Variants in TARBP2 observed in about 807,000 individuals in gnomAD.
TARBP2 encodes RISC-loading complex subunit TARBP2.
In TARBP2, 23 loss-of-function variants were observed where a neutral mutation model predicts 40.4. That is an observed-to-expected ratio of 0.57 (90% CI 0.41 to 0.81). The LOEUF is 0.81. Ranked by LOEUF, TARBP2 falls within the 30% of genes least tolerant of loss-of-function variation. The pLI is 0.00. For synonymous variants in TARBP2, 183 were observed against 190.5 expected (o/e 0.96, Z 0.32); for missense variants, 358 against 473.7 (o/e 0.76, Z 2.27).
rs773262564 is a variant in TARBP2 at position 53,501,465 on chromosome 12, A to G, written c.53+4A>G. The G allele has an allele frequency of 1.3e-5, 21 of 1,565,530 alleles. No individual in the cohort carries two copies. The South Asian group carries it at 2.5e-4, about 18-fold the overall frequency. On this transcript the variant is annotated splice_donor_region_variant and intron_variant, in intron 1 of 8. Transcript: ENST00000266987. ...CCACGGGCTGCGGGCTGCCTAGGTGAGCCGTCTCGTACCGATTCCTTCAGG... is the reference window on the plus strand; with the variant it reads ...CCACGGGCTGCGGGCTGCCTAGGTGGGCCGTCTCGTACCGATTCCTTCAGG...
chr12:53,505,536 G>A lies in TARBP2; in HGVS notation c.742-113G>A. ...GCCACCCAGGGATTGACTGGGGGGA[G>A]GCAAGCTGGAGGAAGCATTCTTTGT... On this transcript the variant is annotated intron_variant, in intron 7 of 8. Coordinates refer to ENST00000266987, the MANE Select transcript of TARBP2 (RefSeq NM_134323.2). The surrounding 1 kb of genome is among the most constrained non-coding windows in gnomAD (Gnocchi z 4.5). The A allele has an allele frequency of 1.6e-6, 2 of 1,226,278 alleles. No homozygotes were observed. The highest frequency in any genetic ancestry group is 2.3e-5 in the East Asian group (1 of 42,788). The allele number at this position is 1,226,278 out of a possible 1,614,324, so 76.0% of individuals were successfully genotyped here. A position where few individuals can be genotyped will look rare whatever the true frequency, so the allele number is the denominator to read the frequency against.
chr12:53,501,086 C>T, upstream of TARBP2: 5 of 391,796 alleles, frequency 1.3e-5, no homozygotes, highest in South Asian at 5.6e-5. Context: ...AGAGAGGGGG[C>T]GCGGAAGGAA....
At chr12:53,502,818 C>T (rs973703925) in intron 2 of TARBP2, 12 of 456,874 alleles carry the variant, frequency 2.6e-5, no homozygotes, top group Non-Finnish European at 4.2e-5. Context: ...AGAAGTCCTG[C>T]TTGGCATGGC....
chr12:53,504,905 C>A (rs936223083), intron 6 of TARBP2, 90 bp downstream of exon 6: 3 of 1,509,256 alleles, frequency 2.0e-6, no homozygotes, highest in East Asian at 2.3e-5. Flanking sequence ...CTCTGCTACA[C>A]CCCCTGCTCT....
chr12:53,503,368 G>T, intron 3 of TARBP2: 1 of 852,966 alleles, frequency 1.2e-6, no homozygotes. Context: ...GCCTGGGTTA[G>T]GGAGGGAGAG....
chr12:53,503,184 C>T, intron 3 of TARBP2, 55 bp downstream of exon 3: 1 of 1,496,332 alleles, frequency 6.7e-7, no homozygotes, highest in Non-Finnish European at 9.0e-7. Context: ...AGGCCCTGCA[C>T]CACCCACTCT....
At chr12:53,504,597 C>G (rs1482816089) in intron 5 of TARBP2, 101 bp from the exon 6 acceptor site, 1 of 1,609,066 alleles carries the variant, frequency 6.2e-7, no homozygotes, top group African/African-American at 1.3e-5. Context: ...CCCCTCTCTC[C>G]TTCCTCTCAC....
At chr12:53,503,451 AC>A (rs1943812687) in intron 3 of TARBP2, 1 of 578,968 alleles carries the variant, frequency 1.7e-6, no homozygotes, top group African/African-American at 1.9e-5. Flanking sequence ...TCCTTCCTTC[AC>A]GCGCAGGTTG....
Position 53,505,633 on chromosome 12 carries a change from G to C in TARBP2, c.742-16G>C, listed in dbSNP as rs780291453. 5 of 1,612,332 alleles carry C rather than the reference G, an allele frequency of 3.1e-6. No individual in the cohort carries two copies. The East Asian group carries it at 1.1e-4, about 36-fold the overall frequency. Reference sequence around the variant, plus strand: ...AGTCTCTCGCTTCATCTTTCTCACTGTTCCCATCTTGACAGGGTGTGGGCT... The same window carrying C: ...AGTCTCTCGCTTCATCTTTCTCACTCTTCCCATCTTGACAGGGTGTGGGCT... On this transcript the variant is annotated splice_polypyrimidine_tract_variant and intron_variant, in intron 7 of 8. Coordinates refer to ENST00000266987, the MANE Select transcript of TARBP2 (RefSeq NM_134323.2). The surrounding 1 kb of genome is among the most constrained non-coding windows in gnomAD (Gnocchi z 4.5).
rs750036818 is a variant in TARBP2, at chr12:53,505,615, C to G, written c.742-34C>G. Reference sequence around the variant, plus strand: ...TCAATGCCTGGGTCCCACAGTCTCTCGCTTCATCTTTCTCACTGTTCCCAT... The same window carrying G: ...TCAATGCCTGGGTCCCACAGTCTCTGGCTTCATCTTTCTCACTGTTCCCAT... On this transcript the variant is annotated intron_variant, in intron 7 of 8. Coordinates refer to ENST00000266987, the MANE Select transcript of TARBP2 (RefSeq NM_134323.2). This position sits in a 1 kb window ranked among gnomAD's most constrained non-coding sequence, Gnocchi z 4.5. 1.3e-6 allele frequency: 2 copies of G among 1,592,714 alleles called. No homozygotes were observed. Among genetic ancestry groups the G allele is most frequent in the Non-Finnish European group, 1.7e-6 (2 of 1,160,964 alleles).
rs1359174950 is a variant in TARBP2 at position 53,501,498 on chromosome 12, G to A, written c.53+37G>A. The A allele has an allele frequency of 4.5e-6, 7 of 1,554,076 alleles. No homozygotes were observed. The Admixed American group carries it at 7.8e-5, about 17-fold the overall frequency. Reference sequence around the variant, plus strand: ...CGTACCGATTCCTTCAGGGCGAAAAGCGTGGGGCCGTGCGGAGGGAGTAGC... The same window carrying A: ...CGTACCGATTCCTTCAGGGCGAAAAACGTGGGGCCGTGCGGAGGGAGTAGC... On this transcript the variant is annotated intron_variant, in intron 1 of 8. Transcript: ENST00000266987.
chr12:53,504,508 C>T, intron 5 of TARBP2, 39 bp downstream of exon 5: 1 of 1,606,876 alleles, frequency 6.2e-7, no homozygotes, highest in Non-Finnish European at 8.5e-7. Flanking sequence ...GCCTGTCTTC[C>T]CTTGAGCCAG....
At chr12:53,502,390 C>T in intron 2 of TARBP2, 2 of 621,314 alleles carry the variant, frequency 3.2e-6, no homozygotes, top group East Asian at 5.7e-5. Context: ...GCGAGCAGGA[C>T]TCCCACAGTG....
chr12:53,501,297 C>A lies in TARBP2; in HGVS notation c.-112C>A. ...CTCCATATCCCAGCGTGCCCCGCGG[C>A]GGGCCCTACCGGCCGCGACTCCGGG... is the stretch of plus-strand genomic sequence containing the variant. On this transcript the variant is annotated 5_prime_UTR_variant, in exon 1 of 9. Transcript: ENST00000266987. 8.3e-7 allele frequency: 1 copy of A among 1,199,632 alleles called. No homozygotes were observed. Among genetic ancestry groups the A allele is most frequent in the Non-Finnish European group, 1.2e-6 (1 of 848,566 alleles). The allele number at this position is 1,199,632 out of a possible 1,614,324, so 74.3% of individuals were successfully genotyped here.
At position 53,506,333 on chromosome 12, in the gene TARBP2, AGGATCC is replaced by A; in HGVS notation, c.*187_*192del. 1 of 686,170 alleles carries A rather than the reference AGGATCC, an allele frequency of 1.5e-6. No individual in the cohort carries two copies. The highest frequency in any genetic ancestry group is 2.4e-6 in the Non-Finnish European group (1 of 419,378). The allele number at this position is 686,170 out of a possible 1,614,324, so 42.5% of individuals were successfully genotyped here. On this transcript the variant is annotated 3_prime_UTR_variant, in exon 9 of 9. Transcript: ENST00000266987. Reference sequence around the variant, plus strand: ...AGGACCACAGAGCCTCAGCCAGCCCAGGATCCGTCCTCATTTTATTGGTGATGATGA... The same window carrying A: ...AGGACCACAGAGCCTCAGCCAGCCCAGTCCTCATTTTATTGGTGATGATGA...
At position 53,501,331 on chromosome 12, in the gene TARBP2, C is replaced by A; in HGVS notation, c.-78C>A. 1 of 1,514,518 alleles carries A rather than the reference C, an allele frequency of 6.6e-7. No individual in the cohort carries two copies. The highest frequency in any genetic ancestry group is 2.0e-5 in the Admixed American group (1 of 49,490). The allele number at this position is 1,514,518 out of a possible 1,614,324, so 93.8% of individuals were successfully genotyped here. ...CCGGCCGCGACTCCGGGCTTGGCCC[C>A]GGCCCTAGCTCGTCGGCTGTGTATT... On this transcript the variant is annotated 5_prime_UTR_variant, in exon 1 of 9. Transcript: ENST00000266987.
At position 53,503,819 on chromosome 12, in the gene TARBP2, C is replaced by A. The variant is rs764128558; in HGVS notation, c.422+11C>A. 1 of 1,609,596 alleles carries A rather than the reference C, an allele frequency of 6.2e-7. No individual in the cohort carries two copies. Among genetic ancestry groups the A allele is most frequent in the Non-Finnish European group, 8.5e-7 (1 of 1,175,880 alleles). ...TGTAGTCCTAACCAGGTATCTGTGT[C>A]CCCTGACTGCCTGAGGTGGGTGGAG... On this transcript the variant is annotated intron_variant, in intron 4 of 8. Transcript: ENST00000266987.
At chr12:53,502,982 C>T (rs952915262) in intron 2 of TARBP2, 45 bp from the exon 3 acceptor site, 19 of 1,515,350 alleles carry the variant, frequency 1.3e-5, no homozygotes, top group South Asian at 8.8e-5. Context: ...GTTTCTTTCC[C>T]GTCCTTTCAG....
chr12:53,503,847 AGGGGTTCT>A (rs752299569), intron 4 of TARBP2, 39 bp downstream of exon 4: 23 of 1,565,900 alleles, frequency 1.5e-5, no homozygotes, highest in Non-Finnish European at 2.0e-5. Context: ...GGGTGGAGGA[AGGGGTTCT>A]GGTTTTTGGT....
Sources: gnomAD v4.1 joint callset for allele counts on GRCh38, gnomAD v4.1.1 for gene constraint, Gnocchi (gnomAD v3.1) non-coding constraint, MANE v1.5 for transcripts, NCBI Gene and HGNC (gene_info 2026-07-23, HGNC 2026-07-21) for gene names.